WWOX: variants seen among roughly 807,000 people sequenced by gnomAD.
WWOX encodes WW domain containing oxidoreductase.
WWOX carries 69 observed loss-of-function variants against 46.2 expected under a neutral mutation model. The observed-to-expected ratio is 1.49, with a 90% confidence interval of 1.23 to 1.82. The LOEUF (loss-of-function observed/expected upper bound fraction) is 1.82, where lower values mean the gene tolerates loss of function less well. WWOX is among the 40% of genes most tolerant of loss of function. The probability of loss-of-function intolerance (pLI) is 0.00; values close to 1 mark genes in which losing one functional copy is unlikely to be tolerated. For synonymous variants in WWOX, 359 were observed against 202.6 expected (o/e 1.77, Z -6.56); for missense variants, 919 against 542.6 (o/e 1.69, Z -6.89).
intron 8 of WWOX, chr16:78,996,384 C>CCG (rs2046990146): frequency 1.7e-4 from 136 of 787,298 alleles, no homozygotes; most frequent in Middle Eastern, 6.4e-4. Context: ...CCACCCCCGC[C>CCG]CCCCAGCTTC....
intron 5 of WWOX, among the ~76,000 whole-genome samples, chr16:78,196,540 A>G (rs2036059251): frequency 6.6e-6 from 1 of 152,172 alleles, no homozygotes; most frequent in Admixed American, 6.5e-5. Context: ...CCATGTTTGT[A>G]TTGTTTGCAA....
At chr16:78,856,513 C>A (rs535953152) in intron 8 of WWOX, among the ~76,000 whole-genome samples, 1 of 152,074 alleles carries the variant, frequency 6.6e-6, no homozygotes, top group Non-Finnish European at 1.5e-5. Context: ...TGTGGTGGTA[C>A]ACCCCTGTAA....
chr16:78,825,730 T>A, intron 8 of WWOX: 1 of 575,944 alleles, frequency 1.7e-6, no homozygotes, highest in South Asian at 1.7e-5. Context: ...TCCATGAGTT[T>A]GTGGATGGCC....
chr16:78,720,220 A>T (rs573876949), intron 8 of WWOX, among the ~76,000 whole-genome samples: 1 of 152,000 alleles, frequency 6.6e-6, no homozygotes, highest in Non-Finnish European at 1.5e-5. Context: ...CTTAAGGCCC[A>T]CTGTGATTCG....
chr16:78,639,109 C>T (rs896819293), intron 8 of WWOX, among the ~76,000 whole-genome samples: 2 of 152,162 alleles, frequency 1.3e-5, no homozygotes, highest in African/African-American at 4.8e-5. Flanking sequence ...CTGTCCCATA[C>T]TTGGACATTT....
At chr16:78,417,040 G>GGTGTGT (rs143606762) in intron 6 of WWOX, among the ~76,000 whole-genome samples, 1 of 151,264 alleles carries the variant, frequency 6.6e-6, no homozygotes, top group Non-Finnish European at 1.5e-5. Context: ...ACCCTTTGGG[G>GGTGTGT]GTGTGTGTGT....
At chr16:78,872,208 T>G (rs2044144008) in intron 8 of WWOX, among the ~76,000 whole-genome samples, 1 of 152,222 alleles carries the variant, frequency 6.6e-6, no homozygotes. Context: ...GCTGCCTGGA[T>G]TCAAATCCCA....
At chr16:78,482,072 C>T (rs2084507005) in intron 8 of WWOX, among the ~76,000 whole-genome samples, 1 of 151,922 alleles carries the variant, frequency 6.6e-6, no homozygotes, top group African/African-American at 2.4e-5. Flanking sequence ...TGTTATGGTC[C>T]CACCTATTCT....
intron 8 of WWOX, among the ~76,000 whole-genome samples, chr16:79,094,504 G>A (rs1275275746): frequency 2.6e-5 from 4 of 152,006 alleles, no homozygotes; most frequent in Non-Finnish European, 4.4e-5. Context: ...TGCCCACCTC[G>A]GCCTCCCAAA....
chr16:78,796,683 T>G (rs1394242895), intron 8 of WWOX, among the ~76,000 whole-genome samples: 1 of 152,252 alleles, frequency 6.6e-6, no homozygotes, highest in Non-Finnish European at 1.5e-5. Context: ...TTTATCAGCA[T>G]CATTGCAAAG....
intron 8 of WWOX, among the ~76,000 whole-genome samples, chr16:79,057,070 G>A (rs1052672660): frequency 2.6e-5 from 4 of 152,216 alleles, no homozygotes; most frequent in African/African-American, 7.2e-5. Flanking sequence ...TTGCCGCCAT[G>A]GGCCTGAATT....
At chr16:78,757,260 A>G (rs1414410978) in intron 8 of WWOX, among the ~76,000 whole-genome samples, 2 of 152,222 alleles carry the variant, frequency 1.3e-5, no homozygotes, top group Non-Finnish European at 2.9e-5. Context: ...CCATTCAAAG[A>G]GTCTAAACCA....
chr16:79,034,862 T>G (rs1395989811), intron 8 of WWOX, among the ~76,000 whole-genome samples: 1 of 152,194 alleles, frequency 6.6e-6, no homozygotes, highest in African/African-American at 2.4e-5. Flanking sequence ...GTATGGTCTT[T>G]TAAATTATTA....
chr16:78,385,134 A>AACACACACACACACAC (rs61262578), intron 5 of WWOX, among the ~76,000 whole-genome samples: 7,976 of 142,992 alleles, frequency 0.056, 273 homozygotes, highest in East Asian at 0.086. Flanking sequence ...ACTCCATCTA[A>AACACACACACACACAC]ACACACACAC....
At chr16:78,652,433 A>G (rs1336893570) in intron 8 of WWOX, among the ~76,000 whole-genome samples, 1 of 148,470 alleles carries the variant, frequency 6.7e-6, no homozygotes, top group Non-Finnish European at 1.5e-5. Flanking sequence ...AAAAAAAAAG[A>G]AAAAGAAAAA....
chr16:78,197,153 C>CT (rs1188645863), intron 5 of WWOX, among the ~76,000 whole-genome samples: 2 of 152,108 alleles, frequency 1.3e-5, no homozygotes, highest in Admixed American at 6.5e-5. Flanking sequence ...ATATCAGATC[C>CT]TTTTTTCTGC....
At chr16:78,642,428 C>G (rs1410947882) in intron 8 of WWOX, among the ~76,000 whole-genome samples, 1 of 152,106 alleles carries the variant, frequency 6.6e-6, no homozygotes, top group East Asian at 1.9e-4. Context: ...TCTTTGGGCT[C>G]CCTGCTTTTA....
chr16:78,733,023 C>T (rs200948796), intron 8 of WWOX, among the ~76,000 whole-genome samples: 3 of 152,250 alleles, frequency 2.0e-5, no homozygotes, highest in South Asian at 4.1e-4. Context: ...ATTCCTTTAC[C>T]CCTCTTTGCT....
intron 8 of WWOX, among the ~76,000 whole-genome samples, chr16:79,035,066 A>ACTGG (rs2047839369): frequency 6.6e-6 from 1 of 152,228 alleles, no homozygotes; most frequent in African/African-American, 2.4e-5. Context: ...ATTGTACTCT[A>ACTGG]ATATCCAGTA....
Sources: allele counts gnomAD v4.1 joint callset (sites outside exome capture counted in the v4.1 genomes callset), GRCh38; gene constraint gnomAD v4.1.1; transcripts MANE v1.5; gene names NCBI Gene and HGNC (gene_info 2026-07-23, HGNC 2026-07-21).